Variants in SHISA6 observed in about 807,000 individuals in gnomAD.
SHISA6 encodes the protein shisa family member 6, also known as protein shisa-6.
A neutral mutation model predicts 47.9 loss-of-function variants in SHISA6; 22 were observed. The ratio of observed to expected loss-of-function variants is 0.46; its 90% CI spans 0.33 to 0.66. The LOEUF is 0.66. SHISA6 is among the 30% of genes least tolerant of loss of function. The pLI is 0.02. For missense variants in SHISA6, 680 were observed against 764.6 expected (o/e 0.89, Z 1.30); for synonymous variants, 388 against 337.8 (o/e 1.15, Z -1.63).
intron 3 of SHISA6, among the ~76,000 whole-genome samples, chr17:11,516,675 C>T (rs150607663): frequency 6.6e-6 from 1 of 152,276 alleles, no homozygotes; most frequent in African/African-American, 2.4e-5. Flanking sequence ...CTCAATGGAG[C>T]CAGTAGAAGG....
intron 3 of SHISA6, among the ~76,000 whole-genome samples, chr17:11,462,392 T>G (rs1343842004): frequency 6.6e-6 from 1 of 152,202 alleles, no homozygotes; most frequent in Non-Finnish European, 1.5e-5. Context: ...GTCTCCCAAG[T>G]GTATGTAGCC....
intron 3 of SHISA6, among the ~76,000 whole-genome samples, chr17:11,522,484 T>G (rs1398954160): frequency 6.6e-6 from 1 of 152,176 alleles, no homozygotes; most frequent in African/African-American, 2.4e-5. Flanking sequence ...CAGGGGGATT[T>G]GGACACCAAA....
intron 3 of SHISA6, among the ~76,000 whole-genome samples, chr17:11,534,248 C>T (rs999415222): frequency 2.7e-5 from 4 of 150,620 alleles, no homozygotes; most frequent in East Asian, 3.9e-4. Context: ...TCAAGTGATC[C>T]GCCCACCTTG....
rs192210385 is a variant in SHISA6, at chr17:11,522,848, T to C, written c.896-29048T>C. 2.0e-4 allele frequency among the ~76,000 whole-genome samples: 31 copies of C among 152,316 alleles called. No individual in the cohort carries two copies. In the East Asian group the frequency reaches 5.8e-3, roughly 28 times the overall value. On this transcript the variant is annotated intron_variant, in intron 3 of 5. Coordinates refer to ENST00000441885, the MANE Select transcript of SHISA6 (RefSeq NM_207386.4). ...ACTGAAGCATTTTCAACAAGAAATATTTTATACTGACTTGCATGCAATAAT... is the reference window on the plus strand; with the variant it reads ...ACTGAAGCATTTTCAACAAGAAATACTTTATACTGACTTGCATGCAATAAT...
intron 3 of SHISA6, among the ~76,000 whole-genome samples, chr17:11,539,096 C>T (rs536881659): frequency 6.6e-6 from 1 of 152,254 alleles, no homozygotes; most frequent in African/African-American, 2.4e-5. Context: ...CGCCTGCCAC[C>T]ATGCCCGGCT....
chr17:11,295,846 C>G (rs1909733129), intron 2 of SHISA6, among the ~76,000 whole-genome samples: 1 of 151,744 alleles, frequency 6.6e-6, no homozygotes, highest in African/African-American at 2.4e-5. Flanking sequence ...GCCTGTGGTC[C>G]CAGCTACTCA....
At chr17:11,402,350 T>TA (rs969181219) in intron 3 of SHISA6, among the ~76,000 whole-genome samples, 5 of 152,202 alleles carry the variant, frequency 3.3e-5, no homozygotes, top group Admixed American at 6.5e-5. Context: ...GCAGTTTGTG[T>TA]AAAAAATTAG....
At chr17:11,501,590 G>T (rs1280049193) in intron 3 of SHISA6, among the ~76,000 whole-genome samples, 3 of 152,164 alleles carry the variant, frequency 2.0e-5, no homozygotes, top group South Asian at 2.1e-4. Flanking sequence ...TGGGCAGGCA[G>T]TTGGGCCTCC....
chr17:11,332,960 G>A (rs1911179484), intron 2 of SHISA6, among the ~76,000 whole-genome samples: 1 of 152,204 alleles, frequency 6.6e-6, no homozygotes, highest in South Asian at 2.1e-4. Flanking sequence ...AGAGAAGTCT[G>A]TGTCCAGATG....
chr17:11,553,372 T>A (rs2071947435), intron 4 of SHISA6, among the ~76,000 whole-genome samples: 1 of 152,244 alleles, frequency 6.6e-6, no homozygotes, highest in East Asian at 1.9e-4. Context: ...TCCCACTTGC[T>A]CAGTCACACT....
intron 3 of SHISA6, among the ~76,000 whole-genome samples, chr17:11,546,188 G>A (rs2071882363): frequency 6.6e-6 from 1 of 152,170 alleles, no homozygotes; most frequent in African/African-American, 2.4e-5. Context: ...TGTGTCATGA[G>A]TACAGTCATA....
At chr17:11,449,845 T>C (rs1053647820) in intron 3 of SHISA6, among the ~76,000 whole-genome samples, 1 of 152,210 alleles carries the variant, frequency 6.6e-6, no homozygotes, top group Non-Finnish European at 1.5e-5. Flanking sequence ...CACACAAGGC[T>C]GTGTCTCTGT....
intron 3 of SHISA6, among the ~76,000 whole-genome samples, chr17:11,390,473 G>A (rs768715810): frequency 1.9e-4 from 29 of 152,216 alleles, no homozygotes; most frequent in Middle Eastern, 6.8e-3. Flanking sequence ...GGCTTCACTT[G>A]GGAGCCAGTG....
At chr17:11,519,889 T>C (rs936541826) in intron 3 of SHISA6, among the ~76,000 whole-genome samples, 3 of 152,190 alleles carry the variant, frequency 2.0e-5, no homozygotes, top group African/African-American at 7.2e-5. Context: ...TGCTGTGCCC[T>C]CTTGGTTTCC....
chr17:11,420,550 C>G (rs1026846705), intron 3 of SHISA6, among the ~76,000 whole-genome samples: 2 of 152,192 alleles, frequency 1.3e-5, no homozygotes, highest in African/African-American at 2.4e-5. Context: ...ACATAGGTCA[C>G]AGCCTCCGCA....
chr17:11,301,261 T>C (rs1909917484), intron 2 of SHISA6, among the ~76,000 whole-genome samples: 1 of 152,104 alleles, frequency 6.6e-6, no homozygotes, highest in South Asian at 2.1e-4. Context: ...GTTGCACTGT[T>C]TATCTCCTGG....
chr17:11,544,657 T>C (rs578152597), intron 3 of SHISA6, among the ~76,000 whole-genome samples: 10 of 152,210 alleles, frequency 6.6e-5, no homozygotes, highest in African/African-American at 1.7e-4. Context: ...GTTTGGAAGA[T>C]TTTTTAAAAA....
intron 3 of SHISA6, among the ~76,000 whole-genome samples, chr17:11,401,312 C>T (rs528913249): frequency 2.0e-5 from 3 of 152,174 alleles, no homozygotes; most frequent in Non-Finnish European, 4.4e-5. Flanking sequence ...CCTCCCACAC[C>T]AGCCTCCTGA....
chr17:11,336,878 G>A (rs1251230582), intron 2 of SHISA6, among the ~76,000 whole-genome samples: 1 of 152,176 alleles, frequency 6.6e-6, no homozygotes, highest in African/African-American at 2.4e-5. Context: ...AGCTGCCCCA[G>A]CGTCCGAAAA....
Sources: allele counts gnomAD v4.1 joint callset (sites outside exome capture counted in the v4.1 genomes callset), GRCh38; gene constraint gnomAD v4.1.1; transcripts MANE v1.5; gene names NCBI Gene and HGNC (gene_info 2026-07-23, HGNC 2026-07-21).